ERBB4: variants seen among roughly 807,000 people sequenced by gnomAD.
ERBB4 encodes erb-b2 receptor tyrosine kinase 4.
ERBB4 carries 42 observed loss-of-function variants against 158.0 expected under a neutral mutation model. The ratio of observed to expected loss-of-function variants is 0.27; its 90% CI spans 0.21 to 0.34. The LOEUF is 0.34. ERBB4 is among the 10% of genes least tolerant of loss of function. ERBB4 has a pLI of 1.00. For synonymous variants in ERBB4, 583 were observed against 558.7 expected (o/e 1.04, Z -0.61); for missense variants, 1,333 against 1,624.1 (o/e 0.82, Z 3.08).
intron 20 of ERBB4, among the ~76,000 whole-genome samples, chr2:211,560,262 CTTTTTTTTTTTT>C (rs769707072): frequency 4.3e-5 from 2 of 46,312 alleles, no homozygotes; most frequent in South Asian, 7.0e-4. Flanking sequence ...TGAAGCTTAG[CTTTTTTTTTTTT>C]TTTTTTTTTT....
rs180933237 is a variant in ERBB4, at chr2:211,663,520, A to T, written c.1871+1803T>A. On this transcript the variant is annotated intron_variant, in intron 15 of 27. Transcript: ENST00000342788. ...ACCTTCATCCTTCCTTTTGACTGAG[A>T]TCCAGATTTTGTTGCTACCATAAAC... 1.9e-3 allele frequency among the ~76,000 whole-genome samples: 284 copies of T among 152,186 alleles called. 1 individual carries two copies. The highest frequency in any genetic ancestry group is 2.8e-3 in the Non-Finnish European group (193 of 68,004).
At chr2:211,742,231 G>A (rs1403566511) in intron 5 of ERBB4, among the ~76,000 whole-genome samples, 1 of 152,096 alleles carries the variant, frequency 6.6e-6, no homozygotes, top group Non-Finnish European at 1.5e-5. Flanking sequence ...TACCACATCG[G>A]CACCTTCTTT....
intron 20 of ERBB4, among the ~76,000 whole-genome samples, chr2:211,554,159 G>A (rs906436059): frequency 2.6e-5 from 4 of 152,224 alleles, no homozygotes; most frequent in African/African-American, 9.6e-5. Flanking sequence ...TGATGTGTGT[G>A]TGTATGGAGA....
At chr2:211,399,631 GT>G (rs2062992104) in intron 25 of ERBB4, among the ~76,000 whole-genome samples, 1 of 152,020 alleles carries the variant, frequency 6.6e-6, no homozygotes, top group Non-Finnish European at 1.5e-5. Context: ...TAATGGCAAA[GT>G]TTTTTAAAAG....
intron 1 of ERBB4, among the ~76,000 whole-genome samples, chr2:212,153,357 A>G (rs533230701): frequency 6.6e-6 from 1 of 152,302 alleles, no homozygotes; most frequent in Admixed American, 6.5e-5. Context: ...ACAATAGGAC[A>G]AAGTTCTCTA....
intron 2 of ERBB4, among the ~76,000 whole-genome samples, chr2:212,035,399 T>A (rs975526922): frequency 6.6e-6 from 1 of 152,192 alleles, no homozygotes; most frequent in South Asian, 2.1e-4. Flanking sequence ...CTCTGAGGTG[T>A]CTCATCCCTC....
Position 212,044,049 on chromosome 2 carries a change from A to G in ERBB4, c.234+80703T>C, listed in dbSNP as rs554452455. 7.9e-5 allele frequency among the ~76,000 whole-genome samples: 12 copies of G among 152,184 alleles called. No individual in the cohort carries two copies. The South Asian group carries it at 2.5e-3, about 32-fold the overall frequency. On this transcript the variant is annotated intron_variant, in intron 2 of 27. Coordinates refer to ENST00000342788, the MANE Select transcript of ERBB4 (RefSeq NM_005235.3). ...TTCTCATAAAATATTTGATCTGGAA[A>G]AGGTCTTAATTTTTGTTGTTGTTTT...
chr2:212,265,510 AG>A (rs2085101141), intron 1 of ERBB4, among the ~76,000 whole-genome samples: 1 of 152,100 alleles, frequency 6.6e-6, no homozygotes, highest in African/African-American at 2.4e-5. Flanking sequence ...AGAGAAGTGG[AG>A]TCTATCTCAT....
intron 1 of ERBB4, among the ~76,000 whole-genome samples, chr2:212,431,871 C>T (rs1041252022): frequency 3.3e-5 from 5 of 152,160 alleles, no homozygotes; most frequent in South Asian, 4.1e-4. Flanking sequence ...GGGCACCCTA[C>T]GTGAAACTAT....
chr2:212,283,915 C>T (rs2085856592), intron 1 of ERBB4, among the ~76,000 whole-genome samples: 2 of 152,008 alleles, frequency 1.3e-5, no homozygotes, highest in Admixed American at 1.3e-4. Flanking sequence ...TTTATTGACA[C>T]TTTTACCCTT....
chr2:212,179,073 T>A (rs1266422728), intron 1 of ERBB4, among the ~76,000 whole-genome samples: 1 of 151,682 alleles, frequency 6.6e-6, no homozygotes, highest in Non-Finnish European at 1.5e-5. Flanking sequence ...GAATGAAACT[T>A]TTACTAAACA....
At chr2:212,037,291 G>T (rs1308048030) in intron 2 of ERBB4, among the ~76,000 whole-genome samples, 1 of 152,148 alleles carries the variant, frequency 6.6e-6, no homozygotes, top group Non-Finnish European at 1.5e-5. Context: ...TCTAAGAACA[G>T]CATGGAGCCC....
intron 16 of ERBB4, among the ~76,000 whole-genome samples, chr2:211,643,573 A>G (rs1038801453): frequency 2.0e-5 from 3 of 152,058 alleles, no homozygotes; most frequent in Non-Finnish European, 2.9e-5. Context: ...TTAACTGTCA[A>G]ATGCATCATC....
At chr2:211,411,099 G>T (rs1385710023) in intron 25 of ERBB4, among the ~76,000 whole-genome samples, 1 of 152,078 alleles carries the variant, frequency 6.6e-6, no homozygotes, top group Non-Finnish European at 1.5e-5. Context: ...AGTAGAGATG[G>T]GGTTTCACCA....
intron 22 of ERBB4, among the ~76,000 whole-genome samples, chr2:211,426,793 T>C (rs2063638043): frequency 6.6e-6 from 1 of 151,118 alleles, no homozygotes; most frequent in Non-Finnish European, 1.5e-5. Context: ...TATATACATA[T>C]ATAAAATATA....
chr2:211,669,216 CAAAAAAAAAAAA>C (rs71054124), intron 14 of ERBB4, among the ~76,000 whole-genome samples: 5 of 56,110 alleles, frequency 8.9e-5, no homozygotes, highest in African/African-American at 3.0e-4. Context: ...GAGTGAGTCT[CAAAAAAAAAAAA>C]AAAAAAAAAA....
At chr2:212,386,572 TA>T (rs36107803) in intron 1 of ERBB4, among the ~76,000 whole-genome samples, 27,604 of 135,786 alleles carry the variant, frequency 0.2, 2,600 homozygotes, top group South Asian at 0.27. Context: ...CTTTCTTTCT[TA>T]AAAAAAAAAA....
chr2:212,290,453 C>A (rs2086163376), intron 1 of ERBB4, among the ~76,000 whole-genome samples: 1 of 152,114 alleles, frequency 6.6e-6, no homozygotes, highest in Admixed American at 6.6e-5. Flanking sequence ...ATTCTAGATT[C>A]AGACTTCAGT....
chr2:212,471,691 CTGT>C lies in ERBB4; in HGVS notation c.82+66755_82+66757del, dbSNP rs575400999. On this transcript the variant is annotated intron_variant, in intron 1 of 27. Transcript: ENST00000342788. Reference sequence around the variant, plus strand: ...AATCTATTCCTTTTTGCACTTATTGCTGTTGTTATTAGTTCTGGAACAAAAATC... The same window carrying C: ...AATCTATTCCTTTTTGCACTTATTGCTGTTATTAGTTCTGGAACAAAAATC... Among the ~76,000 whole-genome samples, 7 of 152,004 alleles carry C rather than the reference CTGT, an allele frequency of 4.6e-5. No individual in the cohort carries two copies. In the East Asian group the frequency reaches 1.3e-3, roughly 29 times the overall value.
Sources: allele counts gnomAD v4.1 joint callset (sites outside exome capture counted in the v4.1 genomes callset), GRCh38; gene constraint gnomAD v4.1.1; transcripts MANE v1.5; gene names NCBI Gene and HGNC (gene_info 2026-07-23, HGNC 2026-07-21).